Variants in ARHGEF26 observed in about 807,000 individuals in gnomAD.
The protein encoded by ARHGEF26 is Rho guanine nucleotide exchange factor 26.
A neutral mutation model predicts 89.4 loss-of-function variants in ARHGEF26; 59 were observed. That is an observed-to-expected ratio of 0.66 (90% confidence interval 0.54 to 0.82). The LOEUF (loss-of-function observed/expected upper bound fraction) is 0.82. Among genes scored for constraint, ARHGEF26 ranks in the 40% least tolerant of loss-of-function variants. The pLI is 0.00. For synonymous variants in ARHGEF26, 500 were observed against 428.4 expected, an observed-to-expected ratio of 1.17 and a Z score of -2.06; for missense variants, 1,234 against 1,085.6, an observed-to-expected ratio of 1.14 and a Z score of -1.92.
intron 13 of ARHGEF26, among the ~76,000 whole-genome samples, chr3:154,253,573 G>A (rs16823830): frequency 0.14 from 20,691 of 152,210 alleles, 1,774 homozygotes; most frequent in East Asian, 0.38. Flanking sequence ...AGTTGATCAT[G>A]TTTAAACCTT....
At chr3:154,168,863 G>GA (rs1193567545) in intron 6 of ARHGEF26, among the ~76,000 whole-genome samples, 1 of 151,292 alleles carries the variant, frequency 6.6e-6, no homozygotes, top group African/African-American at 2.4e-5. Flanking sequence ...TTAAGCTCCT[G>GA]AAAAAAGTCA....
intron 6 of ARHGEF26, among the ~76,000 whole-genome samples, chr3:154,175,755 G>GTGTGT (rs1417055810): frequency 2.0e-5 from 3 of 152,102 alleles, no homozygotes; most frequent in African/African-American, 7.2e-5. Context: ...TATTGGCACT[G>GTGTGT]TATGTTTTGT....
intron 4 of ARHGEF26, among the ~76,000 whole-genome samples, chr3:154,142,635 G>T (rs1231945245): frequency 6.6e-6 from 1 of 152,034 alleles, no homozygotes; most frequent in African/African-American, 2.4e-5. Flanking sequence ...CTATCCACTG[G>T]TCATTTTACA....
At chr3:154,170,107 A>G (rs1302872702) in intron 6 of ARHGEF26, among the ~76,000 whole-genome samples, 2 of 152,060 alleles carry the variant, frequency 1.3e-5, no homozygotes, top group Admixed American at 1.3e-4. Flanking sequence ...CATGCCTGTA[A>G]TCTCAGCACT....
intron 9 of ARHGEF26, among the ~76,000 whole-genome samples, chr3:154,197,580 T>C (rs1157109293): frequency 1.3e-5 from 2 of 152,188 alleles, no homozygotes; most frequent in African/African-American, 4.8e-5. Flanking sequence ...TCATACCATT[T>C]TGGTAGTTAA....
chr3:154,226,744 C>G (rs375633984), intron 11 of ARHGEF26, among the ~76,000 whole-genome samples: 3 of 151,432 alleles, frequency 2.0e-5, no homozygotes, highest in Non-Finnish European at 4.4e-5. Flanking sequence ...TTAAATGCAC[C>G]CAACACATGT....
chr3:154,252,983 C>T, intron 12 of ARHGEF26, 133 bp from the exon 13 acceptor site: 2 of 891,068 alleles, frequency 2.2e-6, no homozygotes, highest in Non-Finnish European at 3.5e-6. Context: ...AAACTACTCT[C>T]ACCCTGTTTT....
chr3:154,190,366 G>A (rs1713880157), intron 7 of ARHGEF26, among the ~76,000 whole-genome samples: 1 of 152,128 alleles, frequency 6.6e-6, no homozygotes, highest in Non-Finnish European at 1.5e-5. Context: ...AAAATTAGCT[G>A]GGCGTCATGG....
At chr3:154,166,200 G>A (rs1470276726) in intron 6 of ARHGEF26, among the ~76,000 whole-genome samples, 2 of 151,978 alleles carry the variant, frequency 1.3e-5, no homozygotes, top group African/African-American at 4.8e-5. Flanking sequence ...ACAGGCACAT[G>A]CCACCATGCC....
At chr3:154,172,130 G>T (rs1371673598) in intron 6 of ARHGEF26, among the ~76,000 whole-genome samples, 1 of 152,194 alleles carries the variant, frequency 6.6e-6, no homozygotes, top group Non-Finnish European at 1.5e-5. Context: ...AGGTGCGACC[G>T]GCTCATTCAG....
At chr3:154,204,507 T>C (rs138617687) in intron 9 of ARHGEF26, among the ~76,000 whole-genome samples, 1,603 of 151,970 alleles carry the variant, frequency 0.011, 21 homozygotes, top group African/African-American at 0.037. Flanking sequence ...TTGTATTACT[T>C]TTTAGTAGAG....
At chr3:154,219,939 A>ACAAAAAAAAAC (rs11282930) in intron 10 of ARHGEF26, among the ~76,000 whole-genome samples, 3 of 151,400 alleles carry the variant, frequency 2.0e-5, no homozygotes, top group South Asian at 2.1e-4. Flanking sequence ...CAAAAAACAA[A>ACAAAAAAAAAC]CAAAAAAGTA....
chr3:154,196,382 G>A (rs1714293146), intron 9 of ARHGEF26, among the ~76,000 whole-genome samples: 1 of 152,142 alleles, frequency 6.6e-6, no homozygotes, highest in Admixed American at 6.5e-5. Context: ...TGGCACAGAG[G>A]AGCAAAGATA....
At position 154,148,670 on chromosome 3, in the gene ARHGEF26, A is replaced by G. The variant is rs547114681; in HGVS notation, c.1270-719A>G. Among the ~76,000 whole-genome samples the G allele has an allele frequency of 2.8e-3, 432 of 152,294 alleles. 1 individual carries two copies. The highest frequency in any genetic ancestry group is 0.01 in the Middle Eastern group (3 of 294). ...TTGTGGGCATGGCACCTGTATATCCATCTGCCGGACTTTGGGTCATGCAGG... is the reference window on the plus strand; with the variant it reads ...TTGTGGGCATGGCACCTGTATATCCGTCTGCCGGACTTTGGGTCATGCAGG... On this transcript the variant is annotated intron_variant, in intron 4 of 14. Coordinates refer to ENST00000465093, the MANE Select transcript of ARHGEF26 (RefSeq NM_015595.4).
intron 12 of ARHGEF26, among the ~76,000 whole-genome samples, chr3:154,242,301 A>G (rs1717520110): frequency 6.6e-6 from 1 of 152,244 alleles, no homozygotes; most frequent in Non-Finnish European, 1.5e-5. Context: ...CATTAAAAAC[A>G]TTCATAATTT....
At chr3:154,210,943 C>G (rs1326907015) in intron 9 of ARHGEF26, among the ~76,000 whole-genome samples, 2 of 149,422 alleles carry the variant, frequency 1.3e-5, no homozygotes, top group Non-Finnish European at 3.0e-5. Flanking sequence ...TCTGTCCCCC[C>G]ACCAAAAAAA....
At chr3:154,125,321 G>A (rs1718264154) in intron 3 of ARHGEF26, among the ~76,000 whole-genome samples, 1 of 152,060 alleles carries the variant, frequency 6.6e-6, no homozygotes, top group South Asian at 2.1e-4. Context: ...GTTTCCCATT[G>A]GAACATTTAT....
intron 6 of ARHGEF26, among the ~76,000 whole-genome samples, chr3:154,177,673 G>T (rs1484648247): frequency 6.6e-6 from 1 of 152,114 alleles, no homozygotes; most frequent in Admixed American, 6.6e-5. Flanking sequence ...GCCAATTTGG[G>T]TGTCAGGGAA....
chr3:154,239,325 TGTGTGTGTG>T (rs1717349065), intron 11 of ARHGEF26, among the ~76,000 whole-genome samples: 1 of 148,422 alleles, frequency 6.7e-6, no homozygotes, highest in African/African-American at 2.5e-5. Context: ...TGTGTGTGTG[TGTGTGTGTG>T]TGTGTGTATG....
Sources: gnomAD v4.1 joint callset for allele counts (sites outside exome capture counted in the v4.1 genomes callset) on GRCh38, gnomAD v4.1.1 for gene constraint, MANE v1.5 for transcripts, NCBI Gene and HGNC (gene_info 2026-07-23, HGNC 2026-07-21) for gene names.